Variants in TTC29 observed in about 807,000 individuals in gnomAD.
TTC29 encodes tetratricopeptide repeat protein 29.
TTC29 carries 49 observed loss-of-function variants against 58.1 expected under a neutral mutation model. The observed-to-expected ratio is 0.84, with a 90% CI of 0.67 to 1.07. The LOEUF (loss-of-function observed/expected upper bound fraction) is 1.07. Among genes scored for constraint, TTC29 ranks in the 50% least tolerant of loss-of-function variants. The pLI is 0.00. For synonymous variants in TTC29, 209 were observed against 196.8 expected (o/e 1.06, Z -0.52); for missense variants, 582 against 555.6 (o/e 1.05, Z -0.48).
intron 6 of TTC29, among the ~76,000 whole-genome samples, chr4:146,889,065 T>C (rs1732179980): frequency 6.6e-6 from 1 of 152,192 alleles, no homozygotes; most frequent in Admixed American, 6.6e-5. Context: ...ACATTCAACA[T>C]CTATCAACTC....
chr4:146,833,741 C>T lies in TTC29; in HGVS notation c.977+65G>A, dbSNP rs1193974609. ...GTAATGGAAAGCGACAGACCTCAAA[C>T]AATTTAAGCCTTTCACAGTTGAGTG... On this transcript the variant is annotated intron_variant, in intron 9 of 12. Transcript: ENST00000325106. 4 of 1,330,030 alleles carry T rather than the reference C, an allele frequency of 3.0e-6. No homozygotes were observed. In the African/African-American group the frequency reaches 5.8e-5, roughly 19 times the overall value. The allele number at this position is 1,330,030 out of a possible 1,614,324, so 82.4% of individuals were successfully genotyped here.
At chr4:146,825,159 G>T (rs987125304) in intron 9 of TTC29, among the ~76,000 whole-genome samples, 13 of 151,950 alleles carry the variant, frequency 8.6e-5, no homozygotes, top group Non-Finnish European at 1.9e-4. Flanking sequence ...GGATTAGTTT[G>T]CTCTTGCCTC....
chr4:146,826,087 T>C (rs1378708764), intron 9 of TTC29, among the ~76,000 whole-genome samples: 1 of 152,218 alleles, frequency 6.6e-6, no homozygotes, highest in African/African-American at 2.4e-5. Flanking sequence ...TGTCTTTTAA[T>C]TGGGGCATTT....
At chr4:146,839,535 CGTGT>C (rs5862775) in intron 8 of TTC29, among the ~76,000 whole-genome samples, 1,591 of 140,508 alleles carry the variant, frequency 0.011, 8 homozygotes, top group South Asian at 0.019. Flanking sequence ...TACATGAACT[CGTGT>C]GTGTGTGTGT....
rs143212930 is a variant in TTC29, at chr4:146,845,656, C to T, written c.886-11759G>A. 3.3e-3 allele frequency among the ~76,000 whole-genome samples: 497 copies of T among 152,280 alleles called. 1 individual carries two copies. Among genetic ancestry groups the T allele is most frequent in the Non-Finnish European group, 5.3e-3 (358 of 68,038 alleles). On this transcript the variant is annotated intron_variant, in intron 8 of 12. Coordinates refer to ENST00000325106, the MANE Select transcript of TTC29 (RefSeq NM_031956.4). ...ATGTCAATATCTACAACTAGATTTA[C>T]GATGTGCAGGACTCTAGGAATCTCA... is the stretch of plus-strand genomic sequence containing the variant.
At chr4:146,850,230 T>C (rs1277645484) in intron 8 of TTC29, among the ~76,000 whole-genome samples, 1 of 152,190 alleles carries the variant, frequency 6.6e-6, no homozygotes, top group Non-Finnish European at 1.5e-5. Context: ...TAACACCCCA[T>C]GCATTGGCAT....
intron 11 of TTC29, among the ~76,000 whole-genome samples, chr4:146,756,566 T>C (rs1210773284): frequency 2.0e-5 from 3 of 152,106 alleles, no homozygotes; most frequent in African/African-American, 4.8e-5. Flanking sequence ...GACAAGTAGA[T>C]TTTCAATACA....
intron 4 of TTC29, among the ~76,000 whole-genome samples, chr4:146,931,179 C>CA (rs905164941): frequency 1.5e-4 from 21 of 140,634 alleles, no homozygotes; most frequent in Admixed American, 3.6e-4. Flanking sequence ...CCTGTCTCTA[C>CA]AAAAAAAAAA....
intron 8 of TTC29, among the ~76,000 whole-genome samples, chr4:146,852,543 C>T (rs1478201380): frequency 6.6e-6 from 1 of 152,220 alleles, no homozygotes; most frequent in Non-Finnish European, 1.5e-5. Flanking sequence ...GCTCCTACTC[C>T]AGCCTGGCTG....
In TTC29 at chr4:146,838,565, C is replaced by T. The variant is rs534903631; in HGVS notation, c.886-4668G>A. ...TTATTAGGTCTAATAATTTCAAGCA[C>T]CCAGTTGTCTTTTTTCCTTTCTATG... On this transcript the variant is annotated intron_variant, in intron 8 of 12. Transcript: ENST00000325106. 1.4e-3 allele frequency among the ~76,000 whole-genome samples: 215 copies of T among 152,028 alleles called. 1 individual carries two copies. The highest frequency in any genetic ancestry group is 4.9e-3 in the African/African-American group (203 of 41,524).
chr4:146,937,362 G>A (rs1735922733), intron 4 of TTC29, among the ~76,000 whole-genome samples: 1 of 151,984 alleles, frequency 6.6e-6, no homozygotes, highest in South Asian at 2.1e-4. Context: ...TATTGCAAAT[G>A]TGATAGTATA....
intron 11 of TTC29, among the ~76,000 whole-genome samples, chr4:146,740,405 T>C (rs1247324083): frequency 1.3e-5 from 2 of 152,124 alleles, no homozygotes; most frequent in Non-Finnish European, 2.9e-5. Context: ...TAACAGGGAA[T>C]GGGTTGAAAA....
At chr4:146,890,927 G>C (rs183599933) in intron 6 of TTC29, among the ~76,000 whole-genome samples, 150 of 152,228 alleles carry the variant, frequency 9.9e-4, no homozygotes, top group African/African-American at 3.4e-3. Flanking sequence ...CCTTTAACTA[G>C]TGGGGGAGCT....
intron 9 of TTC29, among the ~76,000 whole-genome samples, chr4:146,829,170 G>T (rs80323422): frequency 6.6e-6 from 1 of 152,164 alleles, no homozygotes; most frequent in Non-Finnish European, 1.5e-5. Context: ...AGGACTCCTC[G>T]GTCCAAAGAA....
chr4:146,751,564 T>C (rs1303629065), intron 11 of TTC29, among the ~76,000 whole-genome samples: 1 of 152,096 alleles, frequency 6.6e-6, no homozygotes, highest in Non-Finnish European at 1.5e-5. Flanking sequence ...ATTCACAAAT[T>C]GTGGAAATTA....
chr4:146,712,037 A>G (rs1319364969), intron 11 of TTC29, among the ~76,000 whole-genome samples: 1 of 152,164 alleles, frequency 6.6e-6, no homozygotes, highest in African/African-American at 2.4e-5. Context: ...ATACATAAAT[A>G]AATAGAATAT....
intron 4 of TTC29, among the ~76,000 whole-genome samples, chr4:146,912,519 G>A (rs995232221): frequency 6.6e-6 from 1 of 152,164 alleles, no homozygotes; most frequent in African/African-American, 2.4e-5. Flanking sequence ...GTGAGGGGAA[G>A]AAGTTTTAGA....
intron 10 of TTC29, among the ~76,000 whole-genome samples, chr4:146,819,191 C>T (rs1429186390): frequency 6.6e-6 from 1 of 151,230 alleles, no homozygotes; most frequent in African/African-American, 2.4e-5. Context: ...AAAGCACATA[C>T]GTTAACTTAA....
chr4:146,903,687 C>T lies in TTC29; in HGVS notation c.443G>A (p.Cys148Tyr), dbSNP rs769813970. The change falls in exon 6 of 13, where the codon TGT becomes TAT. Residue 148 changes from cysteine (C) to tyrosine (Y), a missense_variant. Cys to Tyr is a radical substitution (Grantham distance 194, BLOSUM62 -2). Transcript: ENST00000325106. ...CTTGTCTTCAGAATTATTGAAGTAA[C>T]AGGCCAGAGCATACAAGTTATTATG... The part of the protein sequence containing the change: ...DVHNNLYALA[C>Y]YFNNSEDKWV... 3.7e-6 allele frequency: 6 copies of T among 1,611,812 alleles called. No homozygotes were observed. The South Asian group carries it at 4.4e-5, about 12-fold the overall frequency.
Sources: gnomAD v4.1 joint callset for allele counts (sites outside exome capture counted in the v4.1 genomes callset) on GRCh38, gnomAD v4.1.1 for gene constraint, MANE v1.5 for transcripts, NCBI Gene and HGNC (gene_info 2026-07-23, HGNC 2026-07-21) for gene names.